RGS3: variants seen among roughly 807,000 people sequenced by gnomAD.
RGS3 encodes regulator of G protein signaling 3, also known as regulator of G-protein signalling 3.
A neutral mutation model predicts 132.6 loss-of-function variants in RGS3; 80 were observed. The ratio of observed to expected loss-of-function variants is 0.60; its 90% confidence interval spans 0.50 to 0.73. The LOEUF is 0.73. RGS3 is among the 30% of genes least tolerant of loss of function. The pLI is 0.00. For synonymous variants in RGS3, 598 were observed against 620.6 expected (o/e 0.96, Z 0.54); for missense variants, 1,382 against 1,530.8 (o/e 0.90, Z 1.62).
At chr9:113,471,687 C>T (rs1270584428) in intron 3 of RGS3, among the ~76,000 whole-genome samples, 9 of 151,964 alleles carry the variant, frequency 5.9e-5, no homozygotes, top group African/African-American at 2.2e-4. Context: ...TTTCTTTCTC[C>T]CTGCCTGCCT....
chr9:113,513,648 A>T (rs763851941), intron 14 of RGS3, among the ~76,000 whole-genome samples: 1 of 152,200 alleles, frequency 6.6e-6, no homozygotes, highest in African/African-American at 2.4e-5. Context: ...GTTACAGTTG[A>T]GGAAATCAAG....
At chr9:113,508,722 T>C (rs1388742084) in intron 14 of RGS3, 142 bp downstream of exon 12, 2 of 759,390 alleles carry the variant, frequency 2.6e-6, no homozygotes, top group East Asian at 5.2e-5. Flanking sequence ...AGACTCTCTT[T>C]CCACGTGGTA....
At chr9:113,573,773 T>C (rs1233175396) in intron 19 of RGS3, among the ~76,000 whole-genome samples, 1 of 152,072 alleles carries the variant, frequency 6.6e-6, no homozygotes, top group Non-Finnish European at 1.5e-5. Context: ...CCATGTGGAG[T>C]CCGAGCGGGG....
At chr9:113,462,216 C>T (rs752886735) in intron 3 of RGS3, 81 of 1,557,062 alleles carry the variant, frequency 5.2e-5, no homozygotes, top group Admixed American at 1.0e-4. Context: ...GTCCATCTGT[C>T]ACTGGCTTGA....
At position 113,568,252 on chromosome 9, in the gene RGS3, C is replaced by T. The variant is rs1311679228; in HGVS notation, c.2038-15198C>T. Among the ~76,000 whole-genome samples the T allele has an allele frequency of 2.6e-5, 4 of 152,218 alleles. No individual in the cohort carries two copies. The East Asian group carries it at 7.7e-4, about 29-fold the overall frequency. Reference sequence around the variant, plus strand: ...TATCCAGGTTTCATCTTGGGGCTCTCTTTCTGGACTCACCAGTGACATGTC... The same window carrying T: ...TATCCAGGTTTCATCTTGGGGCTCTTTTTCTGGACTCACCAGTGACATGTC... On this transcript the variant is annotated intron_variant, in intron 19 of 24. Coordinates refer to ENST00000350696, the Ensembl canonical transcript of RGS3.
At chr9:113,531,243 G>A (rs1308645153) in intron 18 of RGS3, among the ~76,000 whole-genome samples, 1 of 152,202 alleles carries the variant, frequency 6.6e-6, no homozygotes, top group Admixed American at 6.5e-5. Flanking sequence ...AACACAGAAG[G>A]CTCTGAAGTC....
intron 19 of RGS3, among the ~76,000 whole-genome samples, chr9:113,561,465 A>G (rs1588252394): frequency 6.6e-6 from 1 of 150,884 alleles, no homozygotes; most frequent in Non-Finnish European, 1.5e-5. Context: ...CTGGGAGTGC[A>G]GTGGCACAAT....
At chr9:113,476,313 C>T (rs1829993522) in intron 3 of RGS3, among the ~76,000 whole-genome samples, 1 of 152,084 alleles carries the variant, frequency 6.6e-6, no homozygotes, top group African/African-American at 2.4e-5. Context: ...ATTCTCTGGG[C>T]CCAGAGCAAA....
chr9:113,516,369 T>G (rs1475773180), intron 15 of RGS3, among the ~76,000 whole-genome samples: 1 of 152,010 alleles, frequency 6.6e-6, no homozygotes, highest in Admixed American at 6.5e-5. Flanking sequence ...TTCTTTTTTT[T>G]TTTTTGAGAT....
chr9:113,463,665 C>A lies in RGS3; in HGVS notation c.415+1464C>A. 7.2e-7 allele frequency: 1 copy of A among 1,387,384 alleles called. No homozygotes were observed. The highest frequency in any genetic ancestry group is 1.5e-5 in the African/African-American group (1 of 66,292). 85.9% of individuals were successfully genotyped at this position (1,387,384 alleles called of 1,614,324 possible). On this transcript the variant is annotated intron_variant, in intron 3 of 24. Coordinates refer to ENST00000350696, the Ensembl canonical transcript of RGS3. The surrounding 1 kb of genome is among the most constrained non-coding windows in gnomAD (Gnocchi z 4.6). ...CCCGCGCGGGCCAATCAGGGCCGGG[C>A]GCGCCCTGGCCGTTCCAACGCTTGG...
At chr9:113,541,272 C>T (rs772419929) in intron 19 of RGS3, 38 of 1,589,406 alleles carry the variant, frequency 2.4e-5, no homozygotes, top group African/African-American at 5.4e-5. Flanking sequence ...TCAGGCAGCC[C>T]GGCCTGAGTA....
intron 19 of RGS3, chr9:113,582,033 G>C (rs1013119726): frequency 1.0e-6 from 1 of 985,400 alleles, no homozygotes; most frequent in African/African-American, 1.7e-5. Context: ...GCTCTTACCC[G>C]TGCCGAGCTT....
intron 7 of RGS3, among the ~76,000 whole-genome samples, chr9:113,491,502 TG>T (rs944491519): frequency 6.6e-6 from 1 of 151,876 alleles, no homozygotes; most frequent in Non-Finnish European, 1.5e-5. Context: ...CCACCCGCCT[TG>T]GCCTCCCAAA....
chr9:113,459,049 C>T (rs948209663), upstream of RGS3, among the ~76,000 whole-genome samples: 1 of 152,168 alleles, frequency 6.6e-6, no homozygotes, highest in Non-Finnish European at 1.5e-5. Flanking sequence ...CTGCATCCAG[C>T]CTCTATTGTA....
At chr9:113,588,770 G>A (rs971738353) in intron 20 of RGS3, among the ~76,000 whole-genome samples, 4 of 152,190 alleles carry the variant, frequency 2.6e-5, no homozygotes, top group South Asian at 2.1e-4. Context: ...GCACGTCCCC[G>A]TGTTAACTTA....
At position 113,534,849 on chromosome 9, in the gene RGS3, G is replaced by A. The variant is rs867781098; in HGVS notation, c.1915-1947G>A. ...CCAGGCTTGTCTGGAACTCCTGGGCGCAAATGATCCTCCTGCCTTGGCCTC... is the reference window on the plus strand; with the variant it reads ...CCAGGCTTGTCTGGAACTCCTGGGCACAAATGATCCTCCTGCCTTGGCCTC... On this transcript the variant is annotated intron_variant, in intron 18 of 24. Transcript: ENST00000350696. Among the ~76,000 whole-genome samples the A allele has an allele frequency of 1.1e-4, 17 of 152,106 alleles. No individual in the cohort carries two copies. The South Asian group carries it at 2.1e-3, about 19-fold the overall frequency.
chr9:113,528,833 C>A (rs998175052), intron 17 of RGS3, among the ~76,000 whole-genome samples: 2 of 152,188 alleles, frequency 1.3e-5, no homozygotes, highest in Non-Finnish European at 2.9e-5. Flanking sequence ...GCAGTTGGAG[C>A]ATTTAAAGGA....
At chr9:113,564,267 C>T (rs1013730478) in intron 19 of RGS3, among the ~76,000 whole-genome samples, 2 of 152,208 alleles carry the variant, frequency 1.3e-5, no homozygotes, top group African/African-American at 4.8e-5. Flanking sequence ...GTACTTTGGA[C>T]TCTTCATCTG....
At chr9:113,597,577 T>G (rs1233746095) in exon 25 of RGS3, 1 of 152,578 alleles carries the variant, frequency 6.6e-6, no homozygotes, top group Non-Finnish European at 1.5e-5. Flanking sequence ...CCTTCTGGAC[T>G]AAGGCAGCCT....
Sources: gnomAD v4.1 joint callset for allele counts (sites outside exome capture counted in the v4.1 genomes callset) on GRCh38, gnomAD v4.1.1 for gene constraint, Gnocchi (gnomAD v3.1) non-coding constraint, MANE v1.5 for transcripts, NCBI Gene and HGNC (gene_info 2026-07-23, HGNC 2026-07-21) for gene names.